The following VPS13B variants were observed in gnomAD, a reference collection of about 807,000 sequenced individuals.
VPS13B encodes vacuolar protein sorting 13 homolog B, also known as intermembrane lipid transfer protein VPS13B.
Under a neutral mutation model 426.4 loss-of-function variants are expected in VPS13B, and 285 were observed. The observed-to-expected ratio is 0.67, with a 90% confidence interval of 0.61 to 0.74. The LOEUF is 0.74. Ranked by LOEUF, VPS13B falls within the 30% of genes least tolerant of loss-of-function variation. VPS13B has a pLI of 0.00. For synonymous variants in VPS13B, 1,676 were observed against 1,676.4 expected (o/e 1.00, Z 0.01); for missense variants, 4,537 against 4,782.6 (o/e 0.95, Z 1.51).
At chr8:99,210,530 A>G (rs1815021305) in intron 17 of VPS13B, among the ~76,000 whole-genome samples, 1 of 152,160 alleles carries the variant, frequency 6.6e-6, no homozygotes. Context: ...GACATAGAAC[A>G]TTCTCGAAAC....
chr8:99,492,075 T>A (rs914162127), intron 25 of VPS13B, among the ~76,000 whole-genome samples: 1 of 152,214 alleles, frequency 6.6e-6, no homozygotes, highest in Non-Finnish European at 1.5e-5. Flanking sequence ...TTGATGTTGA[T>A]GCTATTCCTT....
intron 25 of VPS13B, among the ~76,000 whole-genome samples, chr8:99,482,420 A>G (rs186258354): frequency 1.3e-3 from 198 of 152,338 alleles, no homozygotes; most frequent in Non-Finnish European, 2.2e-4. Flanking sequence ...TCAAAAATAT[A>G]TAATGTCTTA....
chr8:99,513,030 A>T (rs1047816166), intron 29 of VPS13B, among the ~76,000 whole-genome samples: 6 of 151,872 alleles, frequency 4.0e-5, no homozygotes, highest in Non-Finnish European at 8.8e-5. Context: ...AAAAAAAAAA[A>T]ACCATAATGT....
At chr8:99,062,037 G>A (rs1475669861) in intron 3 of VPS13B, among the ~76,000 whole-genome samples, 1 of 152,094 alleles carries the variant, frequency 6.6e-6, no homozygotes, top group East Asian at 1.9e-4. Flanking sequence ...TCCTTAAGTC[G>A]AAGCTCATGT....
At chr8:99,740,317 A>G (rs182938471) in intron 39 of VPS13B, among the ~76,000 whole-genome samples, 1 of 152,312 alleles carries the variant, frequency 6.6e-6, no homozygotes, top group African/African-American at 2.4e-5. Flanking sequence ...AAATTATGGG[A>G]CTCTGTGAAA....
chr8:99,114,145 C>T (rs200180722), intron 6 of VPS13B, among the ~76,000 whole-genome samples: 2 of 146,430 alleles, frequency 1.4e-5, no homozygotes, highest in African/African-American at 2.5e-5. Flanking sequence ...TTGCAAATAT[C>T]TTTTTTTTTT....
At position 99,148,088 on chromosome 8, in the gene VPS13B, A is replaced by G. The variant is rs190242183; in HGVS notation, c.2013+78A>G. The G allele has an allele frequency of 6.2e-5, 91 of 1,458,942 alleles. No individual in the cohort carries two copies. The African/African-American group carries it at 1.1e-3, about 18-fold the overall frequency. The allele number at this position is 1,458,942 out of a possible 1,614,324, so 90.4% of individuals were successfully genotyped here. A position where few individuals can be genotyped will look rare whatever the true frequency, so the allele number is the denominator to read the frequency against. ...TTTTTTTTTGTCATTTACTGAAAGAATATCTGCAGCCGGGCACAGTGGCTT... is the reference window on the plus strand; with the variant it reads ...TTTTTTTTTGTCATTTACTGAAAGAGTATCTGCAGCCGGGCACAGTGGCTT... On this transcript the variant is annotated intron_variant, in intron 14 of 61. Transcript: ENST00000357162.
At chr8:99,124,724 A>G (rs533116156) in intron 8 of VPS13B, among the ~76,000 whole-genome samples, 48 of 151,986 alleles carry the variant, frequency 3.2e-4, no homozygotes, top group African/African-American at 1.1e-3. Context: ...GTCTCTACTA[A>G]AAATACAAAA....
At chr8:99,820,576 C>T (rs1010622981) in intron 49 of VPS13B, among the ~76,000 whole-genome samples, 1 of 152,034 alleles carries the variant, frequency 6.6e-6, no homozygotes, top group African/African-American at 2.4e-5. Flanking sequence ...CTTGGATGTT[C>T]ATAATTATGG....
At chr8:99,371,891 G>A (rs545184436) in intron 19 of VPS13B, among the ~76,000 whole-genome samples, 1 of 152,214 alleles carries the variant, frequency 6.6e-6, no homozygotes, top group South Asian at 2.1e-4. Flanking sequence ...AGACTTAGAT[G>A]TAAAACCCAA....
In VPS13B at chr8:99,775,342, C is replaced by A. The variant is rs74415071; in HGVS notation, c.7248-1433C>A. The stretch of plus-strand genomic sequence containing the variant: ...GCTCCTCATGGATTTGGGAGCCAGG[C>A]TGTGATAGCTACAGAGCATATTTCA... On this transcript the variant is annotated intron_variant, in intron 40 of 61. Coordinates refer to ENST00000357162, the MANE Select transcript of VPS13B (RefSeq NM_152564.5). 3.5e-3 allele frequency among the ~76,000 whole-genome samples: 526 copies of A among 152,232 alleles called. 5 individuals carry two copies. The highest frequency in any genetic ancestry group is 0.012 in the African/African-American group (503 of 41,550).
chr8:99,185,943 C>T (rs190756475), intron 16 of VPS13B, among the ~76,000 whole-genome samples: 33 of 152,184 alleles, frequency 2.2e-4, no homozygotes, highest in African/African-American at 7.2e-4. Flanking sequence ...TTTTAGTCTT[C>T]GCTACTATAC....
At chr8:99,499,124 A>G (rs1485533433) in intron 25 of VPS13B, among the ~76,000 whole-genome samples, 2 of 152,176 alleles carry the variant, frequency 1.3e-5, no homozygotes, top group Non-Finnish European at 2.9e-5. Flanking sequence ...AAATGGTAAA[A>G]GAATTGAACT....
chr8:99,683,857 C>G (rs934661557), intron 35 of VPS13B, among the ~76,000 whole-genome samples: 2 of 152,116 alleles, frequency 1.3e-5, no homozygotes, highest in African/African-American at 4.8e-5. Context: ...GTTGCACTGT[C>G]TATGATTTCC....
At chr8:99,418,780 T>C (rs1479140648) in intron 21 of VPS13B, among the ~76,000 whole-genome samples, 4 of 152,166 alleles carry the variant, frequency 2.6e-5, no homozygotes, top group African/African-American at 9.7e-5. Flanking sequence ...TGATAGTGTG[T>C]ATCACTCTTT....
intron 5 of VPS13B, among the ~76,000 whole-genome samples, chr8:99,108,379 G>A (rs764189904): frequency 1.3e-5 from 2 of 152,128 alleles, no homozygotes; most frequent in Non-Finnish European, 2.9e-5. Context: ...TGAGGTCTTA[G>A]TCATAAATTC....
At chr8:99,409,571 A>G (rs1418974606) in intron 21 of VPS13B, among the ~76,000 whole-genome samples, 3 of 152,166 alleles carry the variant, frequency 2.0e-5, no homozygotes, top group African/African-American at 7.2e-5. Context: ...GTCAAATTAA[A>G]TTACCAAAAA....
At chr8:99,381,375 T>C (rs369721591) in intron 19 of VPS13B, among the ~76,000 whole-genome samples, 3 of 152,340 alleles carry the variant, frequency 2.0e-5, no homozygotes, top group African/African-American at 7.2e-5. Context: ...TACGTTTGCA[T>C]GTGTCTTTAC....
intron 23 of VPS13B, among the ~76,000 whole-genome samples, chr8:99,444,515 T>C (rs943903073): frequency 2.0e-5 from 3 of 152,234 alleles, no homozygotes; most frequent in African/African-American, 4.8e-5. Flanking sequence ...GCTTACATTA[T>C]GAAACTGGTG....
Sources: gnomAD v4.1 joint callset for allele counts (sites outside exome capture counted in the v4.1 genomes callset) on GRCh38, gnomAD v4.1.1 for gene constraint, MANE v1.5 for transcripts, NCBI Gene and HGNC (gene_info 2026-07-23, HGNC 2026-07-21) for gene names.